Variants in TMEM132B observed in about 807,000 individuals in gnomAD.
TMEM132B encodes the protein transmembrane protein 132B.
A neutral mutation model predicts 90.8 loss-of-function variants in TMEM132B; 18 were observed. That is an observed-to-expected ratio of 0.20 (90% CI 0.14 to 0.29). The LOEUF is 0.29. Among genes scored for constraint, TMEM132B ranks in the 10% least tolerant of loss-of-function variants. TMEM132B has a pLI of 1.00. For synonymous variants in TMEM132B, 504 were observed against 523.3 expected, an observed-to-expected ratio of 0.96 and a Z score of 0.50; for missense variants, 1,096 against 1,326.8, an observed-to-expected ratio of 0.83 and a Z score of 2.70.
intron 1 of TMEM132B, among the ~76,000 whole-genome samples, chr12:125,312,914 C>T (rs1876156601): frequency 6.6e-6 from 1 of 152,204 alleles, no homozygotes; most frequent in African/African-American, 2.4e-5. Flanking sequence ...ATGGAGAGCT[C>T]TTCCTTTAAC....
chr12:125,311,831 A>G, intron 1 of TMEM132B, among the ~76,000 whole-genome samples: 1 of 152,150 alleles, frequency 6.6e-6, no homozygotes, highest in South Asian at 2.1e-4. Flanking sequence ...CCTTCTGATC[A>G]TGGGCCTTTT....
intron 2 of TMEM132B, among the ~76,000 whole-genome samples, chr12:125,369,630 A>C (rs1450098976): frequency 6.6e-6 from 1 of 152,240 alleles, no homozygotes; most frequent in Admixed American, 6.5e-5. Flanking sequence ...GATATCACAC[A>C]AGCCAGTGGA....
At chr12:125,511,371 C>A (rs1333199522) in intron 3 of TMEM132B, among the ~76,000 whole-genome samples, 2 of 152,046 alleles carry the variant, frequency 1.3e-5, no homozygotes, top group African/African-American at 2.4e-5. Flanking sequence ...TTTCATGGAA[C>A]CCAAGGAAAG....
intron 1 of TMEM132B, among the ~76,000 whole-genome samples, chr12:125,192,155 A>T (rs929024463): frequency 2.0e-5 from 3 of 152,164 alleles, no homozygotes; most frequent in Admixed American, 6.5e-5. Context: ...ATTTTATTTC[A>T]CGGATTCTTC....
chr12:125,436,330 CTGTT>C, intron 3 of TMEM132B, among the ~76,000 whole-genome samples: 1 of 152,288 alleles, frequency 6.6e-6, no homozygotes, highest in East Asian at 1.9e-4. Flanking sequence ...CTCAGCCTCA[CTGTT>C]TGCCATGCTC....
At chr12:125,367,892 T>G (rs1181468344) in intron 2 of TMEM132B, among the ~76,000 whole-genome samples, 2 of 152,296 alleles carry the variant, frequency 1.3e-5, no homozygotes, top group Non-Finnish European at 2.9e-5. Flanking sequence ...TATTTTTTAT[T>G]TTTCTCATCT....
At chr12:125,369,469 G>C (rs532769759) in intron 2 of TMEM132B, among the ~76,000 whole-genome samples, 2 of 152,278 alleles carry the variant, frequency 1.3e-5, no homozygotes, top group South Asian at 4.1e-4. Context: ...TGAAGCCTTG[G>C]AAAGGATGAG....
intron 5 of TMEM132B, among the ~76,000 whole-genome samples, chr12:125,599,352 A>G (rs1267358747): frequency 6.6e-6 from 1 of 152,194 alleles, no homozygotes; most frequent in East Asian, 1.9e-4. Flanking sequence ...CTTTTTCTTT[A>G]TAAATTACCC....
chr12:125,614,882 C>T (rs1297884646), intron 5 of TMEM132B, among the ~76,000 whole-genome samples: 3 of 152,128 alleles, frequency 2.0e-5, no homozygotes, highest in Non-Finnish European at 2.9e-5. Context: ...AACTCTTTCT[C>T]TTAGTTTCTG....
At chr12:125,391,065 G>A (rs1016266705) in intron 2 of TMEM132B, among the ~76,000 whole-genome samples, 5 of 151,772 alleles carry the variant, frequency 3.3e-5, no homozygotes, top group Non-Finnish European at 7.4e-5. Context: ...GTGTGTGTGT[G>A]TGTGTGTGTC....
chr12:125,433,024 C>T (rs10846889), intron 3 of TMEM132B, among the ~76,000 whole-genome samples: 73,042 of 152,062 alleles, frequency 0.48, 20,417 homozygotes, highest in African/African-American at 0.77. Context: ...TAAGCAGCAC[C>T]TGCATCTTAC....
At chr12:125,526,817 A>G (rs1251925559) in intron 4 of TMEM132B, among the ~76,000 whole-genome samples, 1 of 151,998 alleles carries the variant, frequency 6.6e-6, no homozygotes, top group African/African-American at 2.4e-5. Flanking sequence ...GGCTGTGGGG[A>G]GGTGCTCACT....
At position 125,659,415 on chromosome 12, in the gene TMEM132B, G is replaced by C. The variant is rs963232935; in HGVS notation, c.*4705G>C. ...CTTTGCTCGTCAATGGCTTGGTCTT[G>C]TATATGTATCTGGGGCAGGGGCTTT... On this transcript the variant is annotated 3_prime_UTR_variant, in exon 9 of 9. Transcript: ENST00000682704. 1 of 152,346 alleles carries C rather than the reference G, an allele frequency of 6.6e-6. No homozygotes were observed. Among genetic ancestry groups the C allele is most frequent in the African/African-American group, 2.4e-5 (1 of 41,438 alleles). The allele number at this position is 152,346 out of a possible 1,614,324, so 9.4% of individuals were successfully genotyped here. A position where few individuals can be genotyped will look rare whatever the true frequency, so the allele number is the denominator to read the frequency against.
At chr12:125,508,161 T>A (rs1365999503) in intron 3 of TMEM132B, among the ~76,000 whole-genome samples, 1 of 149,094 alleles carries the variant, frequency 6.7e-6, no homozygotes, top group Non-Finnish European at 1.5e-5. Context: ...AACTTCATGA[T>A]CTTTGCACCT....
intron 1 of TMEM132B, among the ~76,000 whole-genome samples, chr12:125,245,784 A>T (rs139866408): frequency 1.3e-5 from 2 of 152,278 alleles, no homozygotes; most frequent in Admixed American, 6.5e-5. Flanking sequence ...AGTGCTGGGC[A>T]GATGTCCCAG....
chr12:125,338,607 C>G (rs1331366014), intron 1 of TMEM132B, among the ~76,000 whole-genome samples: 1 of 152,198 alleles, frequency 6.6e-6, no homozygotes, highest in Non-Finnish European at 1.5e-5. Context: ...ACTGTACATG[C>G]CAGCAGGTAG....
At position 125,407,070 on chromosome 12, in the gene TMEM132B, G is replaced by T. The variant is rs1042424593; in HGVS notation, c.960-8461G>T. On this transcript the variant is annotated intron_variant, in intron 2 of 8. Coordinates refer to ENST00000682704, the MANE Select transcript of TMEM132B (RefSeq NM_001366854.1). This position sits in a 1 kb window ranked among gnomAD's most constrained non-coding sequence, Gnocchi z 6.7. ...AAGCTTGGTGTCCAGAGCTTTTTTT[G>T]GAACTTGGTCACATAGACATGGCTG... 6.6e-6 allele frequency among the ~76,000 whole-genome samples: 1 copy of T among 152,096 alleles called. No individual in the cohort carries two copies. Among genetic ancestry groups the T allele is most frequent in the Non-Finnish European group, 1.5e-5 (1 of 68,024 alleles).
intron 3 of TMEM132B, among the ~76,000 whole-genome samples, chr12:125,432,714 C>T (rs1880578597): frequency 6.6e-6 from 1 of 151,784 alleles, no homozygotes; most frequent in Admixed American, 6.6e-5. Flanking sequence ...ACTTAACAAG[C>T]AGTGCATTAA....
chr12:125,284,319 A>T (rs1236955953), intron 1 of TMEM132B, among the ~76,000 whole-genome samples: 3 of 152,156 alleles, frequency 2.0e-5, no homozygotes, highest in Non-Finnish European at 2.9e-5. Context: ...TTTTCTATGC[A>T]TGTATGAGCC....
Sources: gnomAD v4.1 joint callset for allele counts (sites outside exome capture counted in the v4.1 genomes callset) on GRCh38, gnomAD v4.1.1 for gene constraint, Gnocchi (gnomAD v3.1) non-coding constraint, MANE v1.5 for transcripts, NCBI Gene and HGNC (gene_info 2026-07-23, HGNC 2026-07-21) for gene names.